ADAMTSL1: variants seen among roughly 807,000 people sequenced by gnomAD.
ADAMTSL1 encodes ADAMTS-like protein 1.
Under a neutral mutation model 201.8 loss-of-function variants are expected in ADAMTSL1, and 126 were observed. That is an observed-to-expected ratio of 0.62 (90% CI 0.54 to 0.72). ADAMTSL1 has a LOEUF of 0.72. Ranked by LOEUF, ADAMTSL1 falls within the 30% of genes least tolerant of loss-of-function variation. The probability of loss-of-function intolerance (pLI) is 0.00; values close to 1 mark genes in which losing one functional copy is unlikely to be tolerated. For missense variants in ADAMTSL1, 2,679 were observed against 2,277.8 expected (o/e 1.18, Z -3.59); for synonymous variants, 1,121 against 903.4 (o/e 1.24, Z -4.32).
At chr9:18,048,407 C>T (rs1351861887) in intron 1 of ADAMTSL1, among the ~76,000 whole-genome samples, 1 of 152,060 alleles carries the variant, frequency 6.6e-6, no homozygotes, top group African/African-American at 2.4e-5. Flanking sequence ...GAAAAAAATA[C>T]ATTAGGTAAA....
chr9:18,302,956 A>C (rs1256525269), intron 2 of ADAMTSL1, among the ~76,000 whole-genome samples: 1 of 152,236 alleles, frequency 6.6e-6, no homozygotes, highest in Admixed American at 6.5e-5. Context: ...AAGGTATCTG[A>C]AAAGCATTTC....
At chr9:18,596,241 C>T (rs1402286582) in intron 4 of ADAMTSL1, among the ~76,000 whole-genome samples, 1 of 152,132 alleles carries the variant, frequency 6.6e-6, no homozygotes, top group African/African-American at 2.4e-5. Flanking sequence ...ACCATCATGT[C>T]TTTAAGAAGC....
intron 1 of ADAMTSL1, among the ~76,000 whole-genome samples, chr9:17,961,699 C>T (rs1290162155): frequency 6.6e-6 from 1 of 152,172 alleles, no homozygotes; most frequent in African/African-American, 2.4e-5. Flanking sequence ...GCAGGCTTTG[C>T]TGCTGTGTGA....
intron 21 of ADAMTSL1, chr9:18,826,074 C>A: frequency 1.6e-6 from 1 of 629,324 alleles, no homozygotes; most frequent in Non-Finnish European, 2.8e-6. Context: ...CTTGTATCAA[C>A]ATTTATTCTG....
chr9:18,525,013 A>G (rs774651547), intron 2 of ADAMTSL1, among the ~76,000 whole-genome samples: 1 of 152,208 alleles, frequency 6.6e-6, no homozygotes, highest in Non-Finnish European at 1.5e-5. Flanking sequence ...TTCAGAAGGA[A>G]TGGTACCAGC....
chr9:18,341,447 C>T (rs1050660365), intron 2 of ADAMTSL1, among the ~76,000 whole-genome samples: 1 of 152,100 alleles, frequency 6.6e-6, no homozygotes, highest in African/African-American at 2.4e-5. Context: ...TTCCAAATGA[C>T]TTTCATTTTG....
At chr9:18,544,717 C>T (rs1228995640) in intron 3 of ADAMTSL1, among the ~76,000 whole-genome samples, 4 of 152,158 alleles carry the variant, frequency 2.6e-5, no homozygotes, top group African/African-American at 7.2e-5. Context: ...CATCTACTTT[C>T]CTTGACTCAG....
intron 1 of ADAMTSL1, among the ~76,000 whole-genome samples, chr9:18,080,372 G>T (rs147871510): frequency 2.6e-5 from 4 of 152,130 alleles, no homozygotes; most frequent in African/African-American, 7.2e-5. Flanking sequence ...GAGCTAGGAG[G>T]ATACCTACAA....
intron 2 of ADAMTSL1, among the ~76,000 whole-genome samples, chr9:18,252,052 A>G (rs1831484492): frequency 6.6e-6 from 1 of 152,132 alleles, no homozygotes; most frequent in Non-Finnish European, 1.5e-5. Context: ...AAACCAAGAT[A>G]CTAAAAGAAA....
chr9:18,514,143 AT>A (rs2131987596), intron 2 of ADAMTSL1, among the ~76,000 whole-genome samples: 1 of 152,076 alleles, frequency 6.6e-6, no homozygotes, highest in South Asian at 2.1e-4. Context: ...TTTACCATTT[AT>A]TTGTGTCATC....
chr9:18,607,671 C>T (rs771771466), intron 4 of ADAMTSL1, among the ~76,000 whole-genome samples: 2 of 151,966 alleles, frequency 1.3e-5, no homozygotes, highest in African/African-American at 4.8e-5. Context: ...TGGTGTGCTG[C>T]ACCCATTAAC....
chr9:17,935,728 G>C (rs1344017055), intron 1 of ADAMTSL1, among the ~76,000 whole-genome samples: 1 of 152,166 alleles, frequency 6.6e-6, no homozygotes, highest in Non-Finnish European at 1.5e-5. Flanking sequence ...TCTATCTGTA[G>C]GTGCAGATGG....
intron 1 of ADAMTSL1, among the ~76,000 whole-genome samples, chr9:18,478,185 G>A (rs1013536428): frequency 2.6e-5 from 4 of 152,036 alleles, no homozygotes; most frequent in African/African-American, 9.7e-5. Context: ...CAATATTACA[G>A]TTAGGGTTTG....
intron 2 of ADAMTSL1, among the ~76,000 whole-genome samples, chr9:18,282,394 C>T (rs541967929): frequency 8.0e-4 from 122 of 152,252 alleles, no homozygotes; most frequent in Non-Finnish European, 8.4e-4. Flanking sequence ...GAGGTATCTT[C>T]TTTATATCAT....
intron 1 of ADAMTSL1, among the ~76,000 whole-genome samples, chr9:18,137,866 G>A (rs1256460967): frequency 6.6e-6 from 1 of 152,112 alleles, no homozygotes; most frequent in Non-Finnish European, 1.5e-5. Context: ...TGTGGCAAGA[G>A]AAACATTCAA....
At chr9:18,096,087 C>G (rs898833339) in intron 1 of ADAMTSL1, among the ~76,000 whole-genome samples, 2 of 152,116 alleles carry the variant, frequency 1.3e-5, no homozygotes, top group Non-Finnish European at 2.9e-5. Context: ...CTTTCTTATC[C>G]TTTATTATAC....
intron 14 of ADAMTSL1, among the ~76,000 whole-genome samples, chr9:18,707,923 C>A (rs1016313076): frequency 6.6e-6 from 1 of 152,202 alleles, no homozygotes; most frequent in Non-Finnish European, 1.5e-5. Flanking sequence ...AGATTACGAA[C>A]TTTCTTCCCA....
At chr9:18,072,366 T>C (rs935971107) in intron 1 of ADAMTSL1, among the ~76,000 whole-genome samples, 1 of 152,186 alleles carries the variant, frequency 6.6e-6, no homozygotes, top group Non-Finnish European at 1.5e-5. Flanking sequence ...GAGCTATCCA[T>C]GCCTGGAGAG....
chr9:18,828,031 A>C (rs563756868), intron 22 of ADAMTSL1, among the ~76,000 whole-genome samples: 1 of 152,340 alleles, frequency 6.6e-6, no homozygotes, highest in East Asian at 1.9e-4. Flanking sequence ...TTTCACCCCA[A>C]GTTCCGTGAC....
Sources: allele counts gnomAD v4.1 joint callset (sites outside exome capture counted in the v4.1 genomes callset), GRCh38; gene constraint gnomAD v4.1.1; transcripts MANE v1.5; gene names NCBI Gene and HGNC (gene_info 2026-07-23, HGNC 2026-07-21).